ZNF606: variants seen among roughly 807,000 people sequenced by gnomAD.
ZNF606 encodes the protein zinc finger protein 606.
ZNF606 carries 37 observed loss-of-function variants against 74.9 expected under a neutral mutation model. The observed-to-expected ratio is 0.49, with a 90% confidence interval of 0.38 to 0.65. The LOEUF (loss-of-function observed/expected upper bound fraction) is 0.65. Among genes scored for constraint, ZNF606 ranks in the 30% least tolerant of loss-of-function variants. The probability of loss-of-function intolerance (pLI) is 0.00; values close to 1 mark genes in which losing one functional copy is unlikely to be tolerated. For missense variants in ZNF606, 852 were observed against 952.9 expected (o/e 0.89, Z 1.39); for synonymous variants, 328 against 312.4 (o/e 1.05, Z -0.53).
At chr19:57,999,706 C>T in intron 4 of ZNF606, 102 bp downstream of exon 4, 1 of 1,253,618 alleles carries the variant, frequency 8.0e-7, no homozygotes, top group Admixed American at 1.9e-5. Context: ...GCTTCCTTCC[C>T]TACCCAAACT....
At position 57,988,322 on chromosome 19, in the gene ZNF606, A is replaced by G. The variant is rs1411313714; in HGVS notation, c.305-20T>C. The stretch of plus-strand genomic sequence containing the variant: ...GATTTCCTATGCATGGAGGAAAAGC[A>G]TGGAAATCATGTCATGAGGCTTCAG... On this transcript the variant is annotated intron_variant, in intron 5 of 6. Coordinates refer to ENST00000551380, the MANE Select transcript of ZNF606 (RefSeq NM_001348022.3). The G allele has an allele frequency of 1.2e-5, 19 of 1,605,598 alleles. No individual in the cohort carries two copies. The highest frequency in any genetic ancestry group is 1.6e-5 in the Non-Finnish European group (19 of 1,173,866).
chr19:57,997,243 G>A (rs1248906987), intron 4 of ZNF606, among the ~76,000 whole-genome samples: 1 of 152,050 alleles, frequency 6.6e-6, no homozygotes, highest in Non-Finnish European at 1.5e-5. Flanking sequence ...GGCTGGTTGG[G>A]GTTTTTTAGA....
rs144162534 is a variant in ZNF606 at position 57,979,424 on chromosome 19, T to C, written c.1256A>G (p.Lys419Arg). ...GGGTTTTTCTCCAGTATGAGTTTTC[T>C]TATGTTGAATAAGGTAAGAGCTCCA... is the stretch of plus-strand genomic sequence containing the variant. ...FIWSSYLIQH[K>R]KTHTGEKPYE... Residue 419 changes from lysine to arginine, a missense_variant, in exon 7 of 7, where the codon AAG becomes AGG. Coordinates refer to ENST00000551380, the MANE Select transcript of ZNF606 (RefSeq NM_001348022.3). 1.3e-5 allele frequency: 21 copies of C among 1,614,030 alleles called. No homozygotes were observed. In the African/African-American group the frequency reaches 2.7e-4, roughly 20 times the overall value.
intron 1 of ZNF606, 29 bp from the exon 2 acceptor site, chr19:58,001,399 C>G (rs1568586501): frequency 1.3e-6 from 2 of 1,564,676 alleles, no homozygotes; most frequent in Non-Finnish European, 1.8e-6. Context: ...AAAGACAAAA[C>G]TAGTCCTTTC....
intron 4 of ZNF606, among the ~76,000 whole-genome samples, chr19:57,994,550 T>C (rs1287756718): frequency 6.6e-6 from 1 of 152,152 alleles, no homozygotes; most frequent in East Asian, 1.9e-4. Context: ...AGTTAGTTGA[T>C]ATGTGATAAA....
At chr19:57,980,569 G>T (rs568883588) in intron 6 of ZNF606, among the ~76,000 whole-genome samples, 1 of 151,262 alleles carries the variant, frequency 6.6e-6, no homozygotes, top group East Asian at 1.9e-4. Context: ...GGACGAGGTG[G>T]CTACGCCTGT....
intron 4 of ZNF606, among the ~76,000 whole-genome samples, chr19:57,992,405 C>A (rs1392145757): frequency 6.6e-6 from 1 of 152,168 alleles, no homozygotes; most frequent in African/African-American, 2.4e-5. Context: ...CTACTCAGGC[C>A]TCTAGTCCAA....
intron 4 of ZNF606, among the ~76,000 whole-genome samples, chr19:57,990,539 CA>C (rs1028844010): frequency 0.062 from 3,206 of 51,956 alleles, 122 homozygotes; most frequent in African/African-American, 0.17. Flanking sequence ...AACCCAGTCT[CA>C]AAAAAAAAAA....
chr19:58,000,107 G>T, intron 3 of ZNF606: 1 of 559,054 alleles, frequency 1.8e-6, no homozygotes, highest in Admixed American at 3.1e-5. Context: ...CTGTGCTATT[G>T]GGTACCATCT....
chr19:57,994,385 A>G (rs1049647926), intron 4 of ZNF606, among the ~76,000 whole-genome samples: 2 of 152,206 alleles, frequency 1.3e-5, no homozygotes, highest in African/African-American at 4.8e-5. Context: ...ACAAGAGGGA[A>G]TTATTACTTT....
upstream of ZNF606, chr19:58,002,839 T>C (rs1173642296): frequency 1.4e-5 from 6 of 444,412 alleles, no homozygotes; most frequent in Admixed American, 1.5e-4. Context: ...CCGCGGGGTC[T>C]GCTGGGAGCT....
rs774411242 is a variant in ZNF606, at chr19:57,979,234, T to G, written c.1446A>C (p.Lys482Asn). The part of the protein sequence containing the change: ...IVHKRIHTGE[K>N]PYVCNECGKS... ...TCCCACACTCATTACAAACATAAGG[T>G]TTTTCTCCTGTATGAATTCTCTTAT... The change falls in exon 7 of 7, where the codon AAA becomes AAC. Residue 482 changes from lysine to asparagine, a missense_variant. By Grantham distance (94) the Lys-to-Asn change is moderately conservative. Around this residue, in one of 3 missense-constraint regions of ZNF606, gnomAD observed 243 missense variants for 359.2 expected, o/e 0.68. Coordinates refer to ENST00000551380, the MANE Select transcript of ZNF606 (RefSeq NM_001348022.3). 1 of 1,613,736 alleles carries G rather than the reference T, an allele frequency of 6.2e-7. No homozygotes were observed.
chr19:57,986,051 G>A lies in ZNF606; in HGVS notation c.400+2156C>T, dbSNP rs188925446. Among the ~76,000 whole-genome samples the A allele has an allele frequency of 5.9e-5, 9 of 151,418 alleles. No homozygotes were observed. The East Asian group carries it at 1.4e-3, about 23-fold the overall frequency. On this transcript the variant is annotated intron_variant, in intron 6 of 6. Transcript: ENST00000551380. Reference sequence around the variant, plus strand: ...GATTAACAGCTTGTTTCTCAGAAACGACTCAGGCCAGAAAGAAAGACAAAA... The same window carrying A: ...GATTAACAGCTTGTTTCTCAGAAACAACTCAGGCCAGAAAGAAAGACAAAA...
intron 6 of ZNF606, among the ~76,000 whole-genome samples, chr19:57,985,915 CAG>C (rs1185912097): frequency 1.3e-5 from 2 of 151,752 alleles, no homozygotes; most frequent in Non-Finnish European, 2.9e-5. Context: ...GCCTGGGCGA[CAG>C]AGCAAGAGTC....
chr19:58,000,187 C>T (rs945572525), intron 3 of ZNF606: 2 of 493,984 alleles, frequency 4.0e-6, no homozygotes, highest in Non-Finnish European at 7.2e-6. Context: ...AATTCTCATG[C>T]ATCTTGAGAT....
rs753857489 is a variant in ZNF606 at position 58,001,313 on chromosome 19, C to T, written c.7G>A (p.Ala3Thr). The T allele has an allele frequency of 1.9e-6, 3 of 1,614,184 alleles. No homozygotes were observed. The highest frequency in any genetic ancestry group is 2.7e-5 in the African/African-American group (2 of 75,052). Reference sequence around the variant, plus strand: ...CCCCAGGAGGCCCACGGGTTGATGGCTGCCATCCCGAGGACTGATTGACCA... The same window carrying T: ...CCCCAGGAGGCCCACGGGTTGATGGTTGCCATCCCGAGGACTGATTGACCA... MA[A>T]INPWASWGAL... The change falls in exon 2 of 7, where the codon GCC becomes ACC. Residue 3 changes from alanine to threonine, a missense_variant. Coordinates refer to ENST00000551380, the MANE Select transcript of ZNF606 (RefSeq NM_001348022.3).
chr19:57,981,372 C>T (rs189678558), intron 6 of ZNF606, among the ~76,000 whole-genome samples: 164 of 152,110 alleles, frequency 1.1e-3, no homozygotes, highest in Non-Finnish European at 1.2e-4. Flanking sequence ...CCTATAAGTA[C>T]TCATAGTGAA....
At chr19:58,001,028 TGTTGTTTAG>T (rs1346014269) in intron 2 of ZNF606, 117 of 554,446 alleles carry the variant, frequency 2.1e-4, no homozygotes, top group African/African-American at 1.7e-3. Context: ...TATGTATCAC[TGTTGTTTAG>T]GAAACCCCAC....
intron 4 of ZNF606, among the ~76,000 whole-genome samples, chr19:57,990,873 T>G (rs948990494): frequency 2.0e-5 from 3 of 151,444 alleles, no homozygotes; most frequent in Non-Finnish European, 3.0e-5. Context: ...CCCTGAAAAG[T>G]CAACTCCTGC....
Sources: allele counts gnomAD v4.1 joint callset (sites outside exome capture counted in the v4.1 genomes callset), GRCh38; gene constraint gnomAD v4.1.1; regional missense constraint gnomAD v4.1.1; transcripts MANE v1.5; gene names NCBI Gene and HGNC (gene_info 2026-07-23, HGNC 2026-07-21).